SIGLEC1: variants seen among roughly 807,000 people sequenced by gnomAD.
SIGLEC1 encodes the protein sialic acid binding Ig like lectin 1, also known as sialoadhesin.
A neutral mutation model predicts 148.0 loss-of-function variants in SIGLEC1; 132 were observed. The ratio of observed to expected loss-of-function variants is 0.89; its 90% CI spans 0.77 to 1.03. The LOEUF (loss-of-function observed/expected upper bound fraction) is 1.03. SIGLEC1 is among the 50% of genes least tolerant of loss of function. The probability of loss-of-function intolerance (pLI) is 0.00; values close to 1 mark genes in which losing one functional copy is unlikely to be tolerated. For synonymous variants in SIGLEC1, 945 were observed against 969.0 expected (o/e 0.98, Z 0.46); for missense variants, 2,253 against 2,271.4 (o/e 0.99, Z 0.16).
intron 12 of SIGLEC1, 32 bp downstream of exon 12, chr20:3,694,631 C>A: frequency 6.3e-7 from 1 of 1,590,816 alleles, no homozygotes. Flanking sequence ...TGCATTCCTT[C>A]CCCCACACCT....
chr20:3,705,619 GC>G lies in SIGLEC1; in HGVS notation c.706+124del, dbSNP rs1452583380. 1.7e-5 allele frequency: 17 copies of G among 1,023,334 alleles called. No homozygotes were observed. The Admixed American group carries it at 3.0e-4, about 18-fold the overall frequency. 63.4% of individuals were successfully genotyped at this position (1,023,334 alleles called of 1,614,324 possible). A position where few individuals can be genotyped will look rare whatever the true frequency, so the allele number is the denominator to read the frequency against. On this transcript the variant is annotated intron_variant, in intron 4 of 21. Transcript: ENST00000344754. ...TCTCTCCACTTGCCCTACCCTGGAGGCCCAGGAGCAGCCTGGTTTTGCATCA... is the reference window on the plus strand; with the variant it reads ...TCTCTCCACTTGCCCTACCCTGGAGGCCAGGAGCAGCCTGGTTTTGCATCA...
At position 3,693,816 on chromosome 20, in the gene SIGLEC1, G is replaced by A; in HGVS notation, c.3257-118C>T. 7 of 1,064,406 alleles carry A rather than the reference G, an allele frequency of 6.6e-6. No individual in the cohort carries two copies. The South Asian group carries it at 1.2e-4, about 18-fold the overall frequency. 65.9% of individuals were successfully genotyped at this position (1,064,406 alleles called of 1,614,324 possible). A position where few individuals can be genotyped will look rare whatever the true frequency, so the allele number is the denominator to read the frequency against. ...CTGGGGAGCCCCTTGGCCTTTGGGA[G>A]CCTTGGGTGGCCCACCTATAAATGT... On this transcript the variant is annotated intron_variant, in intron 13 of 21. Coordinates refer to ENST00000344754, the MANE Select transcript of SIGLEC1 (RefSeq NM_023068.4).
chr20:3,708,666 G>A (rs1401242564), intron 1 of SIGLEC1, among the ~76,000 whole-genome samples: 1 of 152,164 alleles, frequency 6.6e-6, no homozygotes, highest in Non-Finnish European at 1.5e-5. Context: ...AAGATCGCTT[G>A]AGCCCAGGGG....
intron 11 of SIGLEC1, among the ~76,000 whole-genome samples, chr20:3,696,129 T>TATATATATACAC (rs11087599): frequency 2.9e-4 from 41 of 142,516 alleles, no homozygotes; most frequent in African/African-American, 1.0e-3. Context: ...ACTATATATA[T>TATATATATACAC]ACACACACAC....
At chr20:3,712,388 A>G (rs898517779) in intron 1 of SIGLEC1, among the ~76,000 whole-genome samples, 82 bp downstream of exon 1, 1 of 137,982 alleles carries the variant, frequency 7.2e-6, no homozygotes, top group South Asian at 2.6e-4. Context: ...CCCTGCCCCT[A>G]TCCCGCTCAG....
chr20:3,691,666 G>T, intron 17 of SIGLEC1, 66 bp from the exon 18 acceptor site: 1 of 1,556,288 alleles, frequency 6.4e-7, no homozygotes, highest in South Asian at 1.2e-5. Context: ...CCTCTGGGTG[G>T]GACCTCTGAG....
intron 11 of SIGLEC1, among the ~76,000 whole-genome samples, chr20:3,696,281 T>C (rs2088821530): frequency 6.6e-6 from 1 of 152,152 alleles, no homozygotes; most frequent in African/African-American, 2.4e-5. Flanking sequence ...TAAATATACA[T>C]ATGTATGAGA....
intron 7 of SIGLEC1, among the ~76,000 whole-genome samples, chr20:3,700,645 G>A (rs115691414): frequency 0.011 from 1,646 of 151,870 alleles, 29 homozygotes; most frequent in African/African-American, 0.038. Flanking sequence ...GAGGAGGGAA[G>A]GACAGTGCAC....
At chr20:3,704,306 C>G (rs188079322) in intron 4 of SIGLEC1, among the ~76,000 whole-genome samples, 11 of 152,206 alleles carry the variant, frequency 7.2e-5, no homozygotes, top group Non-Finnish European at 1.2e-4. Context: ...CCATTGAGAG[C>G]TGATCATGTG....
chr20:3,696,486 C>T (rs2088823293), intron 11 of SIGLEC1, 100 bp downstream of exon 11: 2 of 1,229,618 alleles, frequency 1.6e-6, no homozygotes, highest in African/African-American at 1.5e-5. Context: ...CTGAAAAAGA[C>T]ATATTTCTGC....
At chr20:3,704,990 TTTGTTG>T (rs554257806) in intron 4 of SIGLEC1, among the ~76,000 whole-genome samples, 158 of 152,256 alleles carry the variant, frequency 1.0e-3, no homozygotes, top group African/African-American at 3.7e-3. Context: ...TTTATTTGTT[TTTGTTG>T]TTGTTGTTGT....
Position 3,697,938 on chromosome 20 carries a change from G to A in SIGLEC1, c.1982C>T (p.Pro661Leu), listed in dbSNP as rs1041997428. 3 of 1,612,818 alleles carry A rather than the reference G, an allele frequency of 1.9e-6. No individual in the cohort carries two copies. The highest frequency in any genetic ancestry group is 1.3e-5 in the African/African-American group (1 of 74,936). The change falls in exon 9 of 22, where the codon CCA (proline) becomes CTA (leucine). Residue 661 changes from proline (P) to leucine (L), a missense_variant. Coordinates refer to ENST00000344754, the MANE Select transcript of SIGLEC1 (RefSeq NM_023068.4). ...GGGGGCTTTGGTGACCTTCATGCGT[G>A]GGGAACAGCCCCCACAGGTGCTGCA... is the stretch of plus-strand genomic sequence containing the variant. ...GGCSTCGGCS[P>L]RMKVTKAPNL... is the part of the protein sequence containing the mutation.
At chr20:3,703,131 C>T (rs758692893) in intron 6 of SIGLEC1, 66 bp downstream of exon 6, 6 of 1,599,898 alleles carry the variant, frequency 3.8e-6, no homozygotes, top group Non-Finnish European at 1.7e-6. Context: ...CCCAACCCTT[C>T]CTTGGGGCTC....
chr20:3,696,783 A>T lies in SIGLEC1; in HGVS notation c.2486T>A (p.Leu829Ter), dbSNP rs1251569298. Reference protein sequence around the residue: ...VDSRPLALLALFHGEHLLATS... With the variant: ...VDSRPLALLA ...GGCCAGGAGGTGCTCCCCATGGAAC[A>T]AGGCCAGCAAGGCCAGGGGGCGGCT... Residue 829 changes from leucine to a stop codon, truncating the protein, a stop_gained, in exon 11 of 22, where the codon TTG (leucine) becomes TAG (stop). Coordinates refer to ENST00000344754, the MANE Select transcript of SIGLEC1 (RefSeq NM_023068.4). LOFTEE classifies it high-confidence loss of function. 6.2e-7 allele frequency: 1 copy of T among 1,612,668 alleles called. No homozygotes were observed. Among genetic ancestry groups the T allele is most frequent in the Non-Finnish European group, 8.5e-7 (1 of 1,179,632 alleles).
intron 5 of SIGLEC1, 89 bp downstream of exon 5, chr20:3,703,736 G>GGCCCT (rs1192354576): frequency 3.9e-6 from 6 of 1,529,520 alleles, no homozygotes; most frequent in Non-Finnish European, 5.3e-6. Context: ...GCCAGTTGCT[G>GGCCCT]GCCCTGCCCT....
chr20:3,692,269 C>T, intron 16 of SIGLEC1, 67 bp from the exon 17 acceptor site: 1 of 1,457,600 alleles, frequency 6.9e-7, no homozygotes, highest in Non-Finnish European at 9.1e-7. Flanking sequence ...TGCCTAGCTG[C>T]CTGGGGTTGG....
chr20:3,694,967 C>T (rs748928427), intron 11 of SIGLEC1, 44 bp from the exon 12 acceptor site: 2 of 1,578,578 alleles, frequency 1.3e-6, no homozygotes, highest in Non-Finnish European at 8.6e-7. Context: ...TCCACCACAC[C>T]TCTCACAGTC....
chr20:3,705,867 C>T lies in SIGLEC1; in HGVS notation c.583G>A (p.Gly195Ser), dbSNP rs111336308. The change falls in exon 4 of 22, where the codon GGC (glycine) becomes AGC (serine). Residue 195 changes from glycine (G) to serine (S), a missense_variant. Coordinates refer to ENST00000344754, the MANE Select transcript of SIGLEC1 (RefSeq NM_023068.4). Reference sequence around the variant, plus strand: ...TGGAGGGTCTCCAGGTGGCCGACGCCGGTGGGCTCAAACTTCTGGCTGTTG... The same window carrying T: ...TGGAGGGTCTCCAGGTGGCCGACGCTGGTGGGCTCAAACTTCTGGCTGTTG... ...TFNSQKFEPT[G>S]VGHLETLHMA... 3.5e-5 allele frequency: 56 copies of T among 1,614,170 alleles called. No homozygotes were observed. In the East Asian group the frequency reaches 1.0e-3, roughly 30 times the overall value.
intron 20 of SIGLEC1, 140 bp downstream of exon 20, chr20:3,689,460 C>A (rs1282418883): frequency 7.5e-6 from 5 of 668,720 alleles, no homozygotes; most frequent in Non-Finnish European, 1.3e-5. Context: ...GAAGGGATTT[C>A]CAATTTGGAG....
Sources: allele counts gnomAD v4.1 joint callset (sites outside exome capture counted in the v4.1 genomes callset), GRCh38; gene constraint gnomAD v4.1.1; transcripts MANE v1.5; gene names NCBI Gene and HGNC (gene_info 2026-07-23, HGNC 2026-07-21).